Variants in TTN observed in about 807,000 individuals in gnomAD.
TTN encodes connectin.
TTN carries 1,525 observed loss-of-function variants against 3,223.0 expected under a neutral mutation model. The ratio of observed to expected loss-of-function variants is 0.47; its 90% CI spans 0.45 to 0.49. The LOEUF (loss-of-function observed/expected upper bound fraction) is 0.49. TTN is among the 20% of genes least tolerant of loss of function. The probability of loss-of-function intolerance (pLI) is 0.00; values close to 1 mark genes in which losing one functional copy is unlikely to be tolerated. For missense variants in TTN, 40,786 were observed against 43,424.0 expected, an observed-to-expected ratio of 0.94 and a Z score of 5.40; for synonymous variants, 14,094 against 15,161.0, an observed-to-expected ratio of 0.93 and a Z score of 5.17.
chr2:178,713,498 T>C, intron 92 of TTN, 126 bp from the exon 93 acceptor site: 6 of 1,384,858 alleles, frequency 4.3e-6, no homozygotes, highest in Non-Finnish European at 5.7e-6. Context: ...GGCTCTTTTG[T>C]GACGGTATTA....
chr2:178,753,480 T>G (rs963624340), intron 46 of TTN: 6 of 238,972 alleles, frequency 2.5e-5, no homozygotes, highest in Non-Finnish European at 4.9e-5. Flanking sequence ...CGAAGGAATA[T>G]TATTTTCTAA....
rs376634193 is a variant in TTN, at chr2:178,531,679, C to T, written c.104936G>A (p.Gly34979Asp). 6 of 1,613,960 alleles carry T rather than the reference C, an allele frequency of 3.7e-6. No individual in the cohort carries two copies. The highest frequency in any genetic ancestry group is 5.1e-6 in the Non-Finnish European group (6 of 1,179,866). Reference protein sequence around the residue: ...PTAEVKWYHNGVELQESSKIH... With the variant: ...PTAEVKWYHNDVELQESSKIH... ...CTTACTGCTTTCTTGGAGTTCCACA[C>T]CATTGTGGTACCATTTAACCTCGGC... is the stretch of plus-strand genomic sequence containing the variant. Residue 34979 changes from glycine to aspartate, a missense_variant, in exon 358 of 363, where the codon GGT (glycine) becomes GAT (aspartate). By Grantham distance (94) the Gly-to-Asp change is moderately conservative. Transcript: ENST00000589042.
Position 178,576,272 on chromosome 2 carries a change from C to G in TTN, c.69860G>C (p.Trp23287Ser). Residue 23287 changes from tryptophan (W) to serine (S), a missense_variant, in exon 326 of 363, where the codon TGG (tryptophan) becomes TCG (serine). Transcript: ENST00000589042. This position sits in a 1 kb window ranked among gnomAD's most constrained non-coding sequence, Gnocchi z 4.3. ...GGCGGTTCCTGTGGTATCTTTTATC[C>G]AGGCCTCGTCTCCTACTTTTTGATG... ...VEHQKVGDEA[W>S]IKDTTGTALR... is the part of the protein sequence containing the mutation. 1 of 1,605,624 alleles carries G rather than the reference C, an allele frequency of 6.2e-7. No homozygotes were observed. The highest frequency in any genetic ancestry group is 8.5e-7 in the Non-Finnish European group (1 of 1,176,800).
In TTN at chr2:178,725,859, G is replaced by T. The variant is rs1173350443; in HGVS notation, c.20463C>A (p.Leu6821=). The stretch of plus-strand genomic sequence containing the variant: ...CACCGATGTCTGAAGTGTCCACATT[G>T]AGAATGTGAATACTTGTGTGGAAGT... ...SKNFHTSIHI[L]NVDTSDIGEY... The change falls in exon 70 of 363, where the codon CTC becomes CTA. Residue 6821 remains leucine (L), a synonymous_variant. Transcript: ENST00000589042. 1.1e-5 allele frequency: 18 copies of T among 1,613,162 alleles called. No homozygotes were observed. The highest frequency in any genetic ancestry group is 1.5e-5 in the Non-Finnish European group (18 of 1,179,514).
In TTN at chr2:178,730,801, T is replaced by C. The variant is rs72648944; in HGVS notation, c.17741-9A>G. ...AGGAGGTATGATAAGATCTATTCAA[T>C]GAAAAAGCAAACAACAACAAAAAAA... On this transcript the variant is annotated splice_polypyrimidine_tract_variant and intron_variant, in intron 60 of 362. Coordinates refer to ENST00000589042, the MANE Select transcript of TTN (RefSeq NM_001267550.2). The C allele has an allele frequency of 1.6e-3, 2,432 of 1,555,862 alleles. 33 individuals are homozygous for C. In the African/African-American group the frequency reaches 0.03, roughly 19 times the overall value.
Position 178,561,639 on chromosome 2 carries a change from G to C in TTN, c.84493C>G (p.His28165Asp), listed in dbSNP as rs1472903597. 1.2e-6 allele frequency: 2 copies of C among 1,611,006 alleles called. No homozygotes were observed. Among genetic ancestry groups the C allele is most frequent in the African/African-American group, 2.7e-5 (2 of 74,820 alleles). ...PGPPGTPKVV[H>D]ATKSTMLVTW... ...ACAAGCATGGTAGATTTTGTGGCAT[G>C]CACAACTTTAGGAGTACCAGGAGGA... Residue 28165 changes from histidine (H) to aspartate (D), a missense_variant, in exon 326 of 363, where the codon CAT (histidine) becomes GAT (aspartate). Transcript: ENST00000589042.
In TTN at chr2:178,717,807, C is replaced by G; in HGVS notation, c.25067G>C (p.Arg8356Pro). 1 of 1,604,262 alleles carries G rather than the reference C, an allele frequency of 6.2e-7. No individual in the cohort carries two copies. Among genetic ancestry groups the G allele is most frequent in the Non-Finnish European group, 8.5e-7 (1 of 1,175,008 alleles). The change falls in exon 87 of 363, where the codon CGC becomes CCC. Residue 8356 changes from arginine to proline, a missense_variant. By Grantham distance (103) the Arg-to-Pro change is moderately radical. Coordinates refer to ENST00000589042, the MANE Select transcript of TTN (RefSeq NM_001267550.2). ...ASSAVLVIKA[R>P]KLPPFFARKL... ...TCTTGCAAAGAAAGGTGGAAGTTTGCGCGCTGTAAAGAAGTTACAGATAAT... is the reference window on the plus strand; with the variant it reads ...TCTTGCAAAGAAAGGTGGAAGTTTGGGCGCTGTAAAGAAGTTACAGATAAT...
rs142900969 is a variant in TTN, at chr2:178,677,550, T to C, written c.34291+71A>G. The stretch of plus-strand genomic sequence containing the variant: ...AAAGGATTATAGATAAAACTGGAGA[T>C]GAACAAAAGGATGGGAAAGCAGAAT... On this transcript the variant is annotated intron_variant, in intron 146 of 362. Transcript: ENST00000589042. 935 of 1,453,026 alleles carry C rather than the reference T, an allele frequency of 6.4e-4. 4 individuals are homozygous for C. The African/African-American group carries it at 0.011, about 18-fold the overall frequency. The allele number at this position is 1,453,026 out of a possible 1,614,324, so 90.0% of individuals were successfully genotyped here. A position where few individuals can be genotyped will look rare whatever the true frequency, so the allele number is the denominator to read the frequency against.
At position 178,539,504 on chromosome 2, in the gene TTN, G is replaced by A. The variant is rs958621500; in HGVS notation, c.98561C>T (p.Ser32854Phe). ...CTCTTTGAGGCCTTTTACCACCAGA[G>A]ATGTACCTCGGACTCTGGAATCAAT... The part of the protein sequence containing the change: ...YTIDSRVRGT[S>F]LVVKGLKENV... The change falls in exon 352 of 363, where the codon TCT becomes TTT. Residue 32854 changes from serine (S) to phenylalanine (F), a missense_variant. Transcript: ENST00000589042. The A allele has an allele frequency of 6.2e-6, 10 of 1,613,692 alleles. No individual in the cohort carries two copies. The Admixed American group carries it at 1.3e-4, about 22-fold the overall frequency.
intron 346 of TTN, 30 bp downstream of exon 346, chr2:178,543,804 T>C (rs761311320): frequency 6.2e-7 from 1 of 1,609,732 alleles, no homozygotes. Context: ...ATCTACTCAT[T>C]GTATAGCCAA....
rs770024106 is a variant in TTN, at chr2:178,653,330, A to T, written c.38708-9T>A. ...TTTGGGAGCCTCTGGCACTTAAAAGATATTAGTAAAGTTACATGTAGAGCT... is the reference window on the plus strand; with the variant it reads ...TTTGGGAGCCTCTGGCACTTAAAAGTTATTAGTAAAGTTACATGTAGAGCT... On this transcript the variant is annotated splice_polypyrimidine_tract_variant and intron_variant, in intron 197 of 362. Transcript: ENST00000589042. 9 of 1,611,876 alleles carry T rather than the reference A, an allele frequency of 5.6e-6. No homozygotes were observed. The South Asian group carries it at 8.8e-5, about 16-fold the overall frequency.
chr2:178,726,207 G>T, intron 69 of TTN, 161 bp from the exon 70 acceptor site: 2 of 789,104 alleles, frequency 2.5e-6, no homozygotes, highest in Non-Finnish European at 3.6e-6. Flanking sequence ...GAAGCCATTT[G>T]CCTTCACAAG....
chr2:178,649,317 T>C lies in TTN; in HGVS notation c.39988A>G (p.Lys13330Glu), dbSNP rs1300736291. Residue 13330 changes from lysine to glutamate, a missense_variant, in exon 213 of 363, where the codon AAG becomes GAG. By Grantham distance (56) the Lys-to-Glu change is moderately conservative. Coordinates refer to ENST00000589042, the MANE Select transcript of TTN (RefSeq NM_001267550.2). ...TCTTTCTTTACTGGAACAAGTTTCT[T>C]GGGCACCTCAGGCACTTTGAAGATA... ...TPAAKVPEVP[K>E]KLVPVKKEPV... The C allele has an allele frequency of 2.0e-6, 3 of 1,468,818 alleles. No homozygotes were observed. The highest frequency in any genetic ancestry group is 2.6e-5 in the East Asian group (1 of 38,082). 91.0% of individuals were successfully genotyped at this position (1,468,818 alleles called of 1,614,324 possible).
Position 178,583,162 on chromosome 2 carries a change from C to T in TTN, c.65641G>A (p.Val21881Ile), listed in dbSNP as rs2048158177. The change falls in exon 313 of 363, where the codon GTC becomes ATC. Residue 21881 changes from valine (V) to isoleucine (I), a missense_variant. Physicochemically the swap from Val to Ile is conservative, Grantham distance 29. Transcript: ENST00000589042. ...CCAAAAACAGTAGCATCCAAGCAGA[C>T]ATTAGTTCCAGCTTTCACAGTAAGC... ...SLLTVKAGTNVCLDATVFGKP... is the reference protein window; with the variant it reads ...SLLTVKAGTNICLDATVFGKP... 6.2e-7 allele frequency: 1 copy of T among 1,612,012 alleles called. No individual in the cohort carries two copies. The highest frequency in any genetic ancestry group is 8.5e-7 in the Non-Finnish European group (1 of 1,178,858).
chr2:178,745,756 G>A, intron 47 of TTN: 1 of 1,612,844 alleles, frequency 6.2e-7, no homozygotes, highest in Non-Finnish European at 8.5e-7. Context: ...TTCCATCTTT[G>A]TACCAGTAAA....
chr2:178,580,747 C>G, intron 316 of TTN, 138 bp from the exon 317 acceptor site: 1 of 833,982 alleles, frequency 1.2e-6, no homozygotes. Context: ...TAATACAATC[C>G]TCAAAATCAT....
Position 178,547,500 on chromosome 2 carries a change from A to G in TTN, c.94126T>C (p.Tyr31376His), listed in dbSNP as rs1434130834. The change falls in exon 339 of 363, where the codon TAC becomes CAC. Residue 31376 changes from tyrosine (Y) to histidine (H), a missense_variant. Tyr to His is a moderately conservative substitution (Grantham distance 83). Coordinates refer to ENST00000589042, the MANE Select transcript of TTN (RefSeq NM_001267550.2). ...CTGACACGGAAAGAATATTCCATGT[A>G]TTTTGTGAGATGAGTGACTTTAATT... ...TQIKVTHLTKYMEYSFRVSSE... is the reference protein window; with the variant it reads ...TQIKVTHLTKHMEYSFRVSSE... 1.9e-6 allele frequency: 3 copies of G among 1,613,338 alleles called. No homozygotes were observed. The highest frequency in any genetic ancestry group is 2.5e-6 in the Non-Finnish European group (3 of 1,179,704).
chr2:178,535,055 C>T lies in TTN; in HGVS notation c.101560G>A (p.Gly33854Arg). Residue 33854 changes from glycine (G) to arginine (R), a missense_variant, in exon 358 of 363, where the codon GGG (glycine) becomes AGG (arginine). By Grantham distance (125) the Gly-to-Arg change is moderately radical. Coordinates refer to ENST00000589042, the MANE Select transcript of TTN (RefSeq NM_001267550.2). ...TTCTTTACCAAAACCTGATCAGTCC[C>T]TTTGACTTTAACAAATTTGGCCATG... ...TYMAKFVKVK[G>R]TDQVLVKKEI... The T allele has an allele frequency of 6.2e-7, 1 of 1,613,910 alleles. No homozygotes were observed. Among genetic ancestry groups the T allele is most frequent in the Non-Finnish European group, 8.5e-7 (1 of 1,179,844 alleles).
rs876658056 is a variant in TTN at position 178,651,528 on chromosome 2, C to T, written c.39472G>A (p.Val13158Met). 5 of 1,612,594 alleles carry T rather than the reference C, an allele frequency of 3.1e-6. No individual in the cohort carries two copies. The highest frequency in any genetic ancestry group is 4.2e-6 in the Non-Finnish European group (5 of 1,179,436). ...TTTTCAGGAACAACCTCCTTGGGCA[C>T]CTCGGGCACTATAAAAGATATTAGT... ...PELPPVKVPE[V>M]PKEVVPEKKV... The change falls in exon 207 of 363, where the codon GTG (valine) becomes ATG (methionine). Residue 13158 changes from valine to methionine, a missense_variant. Val to Met is a conservative substitution (Grantham distance 21). Transcript: ENST00000589042.
Sources: allele counts gnomAD v4.1 joint callset, GRCh38; gene constraint gnomAD v4.1.1; non-coding constraint Gnocchi (gnomAD v3.1); transcripts MANE v1.5; gene names NCBI Gene and HGNC (gene_info 2026-07-23, HGNC 2026-07-21).